The following CR1 variants were observed in gnomAD, a reference collection of about 807,000 sequenced individuals.
The protein encoded by CR1 is complement receptor type 1.
In CR1, 116 loss-of-function variants were observed where a neutral mutation model predicts 187.3. The observed-to-expected ratio is 0.62, with a 90% CI of 0.53 to 0.72. The LOEUF (loss-of-function observed/expected upper bound fraction) is 0.72, where lower values mean the gene tolerates loss of function less well. Ranked by LOEUF, CR1 falls within the 30% of genes least tolerant of loss-of-function variation. The pLI, the probability that CR1 is intolerant of heterozygous loss-of-function variation, is 0.00. For synonymous variants in CR1, 576 were observed against 747.1 expected, an observed-to-expected ratio of 0.77 and a Z score of 3.73; for missense variants, 1,731 against 2,110.7, an observed-to-expected ratio of 0.82 and a Z score of 3.52.
intron 45 of CR1, among the ~76,000 whole-genome samples, chr1:207,625,086 A>G (rs1662441108): frequency 6.6e-6 from 1 of 152,210 alleles, no homozygotes. Flanking sequence ...TCACCTACAT[A>G]ATTTAAGATC....
intron 34 of CR1, 70 bp downstream of exon 34, chr1:207,587,635 A>G: frequency 1.4e-6 from 2 of 1,476,162 alleles, no homozygotes; most frequent in Non-Finnish European, 1.8e-6. Context: ...TTGGTGGCTC[A>G]CGCCTGTAAT....
In CR1 at chr1:207,580,387, A is replaced by C; in HGVS notation, c.5084A>C (p.Asp1695Ala). The change falls in exon 30 of 47, where the codon GAC (aspartate) becomes GCC (alanine). Residue 1695 changes from aspartate (D) to alanine (A), a missense_variant. Coordinates refer to ENST00000367049, the MANE Select transcript of CR1 (RefSeq NM_000651.6). ...AASLHCTPQG[D>A]WSPEAPRCAV... ...TCTCTGCACTGCACACCCCAGGGAG[A>C]CTGGAGCCCTGAAGCCCCGAGATGT... 1 of 1,613,588 alleles carries C rather than the reference A, an allele frequency of 6.2e-7. No individual in the cohort carries two copies. The highest frequency in any genetic ancestry group is 8.5e-7 in the Non-Finnish European group (1 of 1,179,772).
At chr1:207,506,130 A>G (rs1262460537) in intron 2 of CR1, 47 bp downstream of exon 2, 2 of 1,593,622 alleles carry the variant, frequency 1.3e-6, no homozygotes, top group South Asian at 1.1e-5. Flanking sequence ...AAACATCTGT[A>G]AGATCTGATT....
intron 35 of CR1, chr1:207,605,803 A>G (rs1661732456): frequency 6.6e-6 from 1 of 152,202 alleles, no homozygotes; most frequent in African/African-American, 2.4e-5. Context: ...GCACACTTGA[A>G]AAGATTGTAT....
chr1:207,585,040 G>A (rs780946844), intron 33 of CR1, among the ~76,000 whole-genome samples, 164 bp downstream of exon 33: 10 of 152,120 alleles, frequency 6.6e-5, no homozygotes, highest in African/African-American at 4.8e-5. Flanking sequence ...TTTCAGCAGC[G>A]CCAAGGTATG....
intron 46 of CR1, among the ~76,000 whole-genome samples, chr1:207,631,132 C>A (rs17048122): frequency 0.02 from 3,101 of 152,264 alleles, 120 homozygotes; most frequent in African/African-American, 0.071. Flanking sequence ...AAATACCTAA[C>A]CTTTCATTCT....
chr1:207,564,357 T>A, intron 23 of CR1, 123 bp downstream of exon 23: 1 of 1,495,770 alleles, frequency 6.7e-7, no homozygotes, highest in Non-Finnish European at 9.0e-7. Flanking sequence ...TTCAGAGAGA[T>A]GAACTTTCGA....
intron 34 of CR1, among the ~76,000 whole-genome samples, chr1:207,587,950 A>G (rs1661161541): frequency 6.6e-6 from 1 of 152,222 alleles, no homozygotes; most frequent in African/African-American, 2.4e-5. Flanking sequence ...ATTTACATTC[A>G]CTGTAGATCA....
intron 41 of CR1, 34 bp downstream of exon 41, chr1:207,616,836 T>G (rs916221814): frequency 6.2e-7 from 1 of 1,605,330 alleles, no homozygotes; most frequent in Non-Finnish European, 8.5e-7. Flanking sequence ...CTAAATGGGT[T>G]CAGAATATCT....
intron 4 of CR1, among the ~76,000 whole-genome samples, chr1:207,516,365 C>T (rs1332479274): frequency 6.6e-6 from 1 of 152,136 alleles, no homozygotes; most frequent in Non-Finnish European, 1.5e-5. Flanking sequence ...ATTTGCCATA[C>T]TATAAGCACT....
Position 207,640,606 on chromosome 1 carries a change from A to G in CR1, c.*1197A>G, listed in dbSNP as rs1662954680. 6.6e-6 allele frequency: 1 copy of G among 152,242 alleles called. No individual in the cohort carries two copies. The highest frequency in any genetic ancestry group is 2.1e-4 in the South Asian group (1 of 4,836). The allele number at this position is 152,242 out of a possible 1,614,324, so 9.4% of individuals were successfully genotyped here. A position where few individuals can be genotyped will look rare whatever the true frequency, so the allele number is the denominator to read the frequency against. On this transcript the variant is annotated 3_prime_UTR_variant, in exon 47 of 47. Transcript: ENST00000367049. ...CTTTTTAAAACACAACTTTTAAAAA[A>G]TGTATCAAAATAATAAACGTGTTCT...
At chr1:207,566,556 A>C (rs1282798190) in intron 24 of CR1, among the ~76,000 whole-genome samples, 6 of 150,268 alleles carry the variant, frequency 4.0e-5, no homozygotes, top group South Asian at 2.1e-4. Flanking sequence ...ATTCAATGCT[A>C]TGAGACAATA....
At chr1:207,498,890 A>AAAAAAAAAAAAAAAG (rs911285366) in intron 1 of CR1, among the ~76,000 whole-genome samples, 1 of 149,322 alleles carries the variant, frequency 6.7e-6, no homozygotes, top group African/African-American at 2.5e-5. Context: ...AAAAAAAAAA[A>AAAAAAAAAAAAAAAG]AAAGAAACAA....
chr1:207,515,140 T>TCTATAC (rs1558220622), intron 4 of CR1, among the ~76,000 whole-genome samples: 2 of 139,156 alleles, frequency 1.4e-5, no homozygotes, highest in Non-Finnish European at 1.5e-5. Flanking sequence ...TATATATACG[T>TCTATAC]GTATACGTAT....
chr1:207,496,352 G>A lies in CR1; in HGVS notation c.85G>A (p.Ala29Thr), dbSNP rs555401223. 3.7e-6 allele frequency: 6 copies of A among 1,612,468 alleles called. No individual in the cohort carries two copies. Among genetic ancestry groups the A allele is most frequent in the East Asian group, 2.2e-5 (1 of 44,870 alleles). Reference sequence around the variant, plus strand: ...CTTCTGCTGCGGAGGATCCCTGCTGGCGGTTGTGGTGCTGCTTGCGCTGCC... The same window carrying A: ...CTTCTGCTGCGGAGGATCCCTGCTGACGGTTGTGGTGCTGCTTGCGCTGCC... ...LPFCCGGSLL[A>T]VVVLLALPVA... The change falls in exon 1 of 47, where the codon GCG becomes ACG. Residue 29 changes from alanine to threonine, a missense_variant. By Grantham distance (58) the Ala-to-Thr change is moderately conservative. Transcript: ENST00000367049.
chr1:207,567,355 T>G (rs764632170), intron 24 of CR1, among the ~76,000 whole-genome samples: 15 of 148,726 alleles, frequency 1.0e-4, no homozygotes, highest in South Asian at 2.1e-4. Context: ...TCAATATCAA[T>G]AAGTAATCAG....
intron 35 of CR1, among the ~76,000 whole-genome samples, chr1:207,591,526 A>G (rs902702657): frequency 6.6e-6 from 1 of 152,206 alleles, no homozygotes; most frequent in Admixed American, 6.5e-5. Flanking sequence ...ACGCCCTGAC[A>G]TCGCAATTAA....
intron 44 of CR1, 109 bp from the exon 45 acceptor site, chr1:207,622,882 TTA>T: frequency 5.5e-6 from 4 of 723,328 alleles, no homozygotes; most frequent in Non-Finnish European, 9.1e-6. Context: ...AGTTACATCT[TTA>T]AAAAAAAAAA....
intron 24 of CR1, 127 bp from the exon 25 acceptor site, chr1:207,567,697 A>G (rs1660547347): frequency 3.8e-6 from 5 of 1,309,636 alleles, no homozygotes; most frequent in Non-Finnish European, 5.3e-6. Flanking sequence ...CCAACTCTTC[A>G]AAGTCCTAAT....
Sources: gnomAD v4.1 joint callset for allele counts (sites outside exome capture counted in the v4.1 genomes callset) on GRCh38, gnomAD v4.1.1 for gene constraint, MANE v1.5 for transcripts, NCBI Gene and HGNC (gene_info 2026-07-23, HGNC 2026-07-21) for gene names.